XXYLT1: variants seen among roughly 807,000 people sequenced by gnomAD.
XXYLT1 encodes the protein UDP-xylose:alpha-xyloside alpha-1,3-xylosyltransferase.
A neutral mutation model predicts 28.9 loss-of-function variants in XXYLT1; 20 were observed. The observed-to-expected ratio is 0.69, with a 90% CI of 0.49 to 1.00. XXYLT1 has a LOEUF of 1.00. Among genes scored for constraint, XXYLT1 ranks in the 50% least tolerant of loss-of-function variants. The pLI, the probability that XXYLT1 is intolerant of heterozygous loss-of-function variation, is 0.00. For missense variants in XXYLT1, 542 were observed against 560.1 expected, an observed-to-expected ratio of 0.97 and a Z score of 0.33; for synonymous variants, 257 against 253.8, an observed-to-expected ratio of 1.01 and a Z score of -0.12.
chr3:195,267,938 G>GA (rs1256693347), intron 1 of XXYLT1, among the ~76,000 whole-genome samples: 3 of 151,908 alleles, frequency 2.0e-5, no homozygotes, highest in Non-Finnish European at 2.9e-5. Context: ...ACATTTAAAG[G>GA]AAAAAAAGAG....
intron 3 of XXYLT1, among the ~76,000 whole-genome samples, chr3:195,099,756 G>A (rs963784249): frequency 6.6e-6 from 1 of 151,180 alleles, no homozygotes; most frequent in African/African-American, 2.4e-5. Context: ...GCGTGAACCT[G>A]GGAGGCGGAG....
intron 2 of XXYLT1, chr3:195,207,549 T>C: frequency 2.2e-6 from 1 of 446,958 alleles, no homozygotes; most frequent in Admixed American, 2.4e-5. Flanking sequence ...CTCAAAGCCT[T>C]CCCCAAATTC....
At chr3:195,070,333 C>T (rs1026901384) in intron 3 of XXYLT1, among the ~76,000 whole-genome samples, 2 of 152,066 alleles carry the variant, frequency 1.3e-5, no homozygotes, top group Non-Finnish European at 2.9e-5. Flanking sequence ...GTCCTCACCA[C>T]AGCCAACATT....
chr3:195,097,553 G>A (rs561677463), intron 3 of XXYLT1, among the ~76,000 whole-genome samples: 1 of 152,260 alleles, frequency 6.6e-6, no homozygotes, highest in African/African-American at 2.4e-5. Context: ...TATAGACAAG[G>A]AAACTGAGGC....
intron 2 of XXYLT1, among the ~76,000 whole-genome samples, chr3:195,217,631 G>T (rs1235967805): frequency 2.7e-4 from 38 of 141,888 alleles, no homozygotes; most frequent in African/African-American, 9.3e-4. Flanking sequence ...TCTTCAAGGA[G>T]AACTACAAAC....
chr3:195,228,999 G>C (rs1724186584), intron 1 of XXYLT1, among the ~76,000 whole-genome samples: 1 of 151,926 alleles, frequency 6.6e-6, no homozygotes. Flanking sequence ...TTTTAGTAGA[G>C]ACAGGGTTTC....
intron 2 of XXYLT1, among the ~76,000 whole-genome samples, chr3:195,178,350 C>T (rs1249444237): frequency 1.3e-5 from 2 of 152,190 alleles, no homozygotes; most frequent in East Asian, 3.8e-4. Flanking sequence ...CCTTTCTCTT[C>T]CCTGTCTTTC....
At chr3:195,132,440 C>T (rs374363829) in intron 3 of XXYLT1, among the ~76,000 whole-genome samples, 3 of 151,320 alleles carry the variant, frequency 2.0e-5, no homozygotes, top group African/African-American at 7.3e-5. Flanking sequence ...GCATTCCAGC[C>T]TGGGCAACAG....
At chr3:195,170,853 G>C (rs936777560) in intron 2 of XXYLT1, among the ~76,000 whole-genome samples, 1 of 151,922 alleles carries the variant, frequency 6.6e-6, no homozygotes, top group East Asian at 1.9e-4. Flanking sequence ...GTCCAGCCTG[G>C]GCAATGTAGT....
intron 3 of XXYLT1, among the ~76,000 whole-genome samples, chr3:195,122,498 A>G (rs1718415216): frequency 6.8e-6 from 1 of 146,376 alleles, no homozygotes; most frequent in South Asian, 2.2e-4. Flanking sequence ...CAGTATCAGT[A>G]CAGCAGCTCA....
chr3:195,183,226 C>T (rs1168244416), intron 2 of XXYLT1, among the ~76,000 whole-genome samples: 2 of 152,190 alleles, frequency 1.3e-5, no homozygotes, highest in Admixed American at 6.5e-5. Flanking sequence ...ATAACCCCCA[C>T]GCATCGTGAG....
At chr3:195,087,929 G>C (rs374502165) in intron 3 of XXYLT1, among the ~76,000 whole-genome samples, 1 of 150,472 alleles carries the variant, frequency 6.6e-6, no homozygotes, top group African/African-American at 2.5e-5. Context: ...GGTGACAGAC[G>C]CACCTGGAAA....
rs1305371385 is a variant in XXYLT1 at position 195,243,311 on chromosome 3, T to TAACAA, written c.505-16460_505-16456dup. Among the ~76,000 whole-genome samples the TAACAA allele has an allele frequency of 4.0e-4, 61 of 151,936 alleles. No individual in the cohort carries two copies. The Middle Eastern group carries it at 0.017, about 42-fold the overall frequency. On this transcript the variant is annotated intron_variant, in intron 1 of 3. Coordinates refer to ENST00000310380, the MANE Select transcript of XXYLT1 (RefSeq NM_152531.5). ...CCATCATGGCACATGTATACATATG[T>TAACAA]AACAAACCTGCACGTTGTACACATG...
chr3:195,170,367 A>C (rs1348157004), intron 2 of XXYLT1, among the ~76,000 whole-genome samples: 1 of 152,214 alleles, frequency 6.6e-6, no homozygotes. Flanking sequence ...ATGAGATTTA[A>C]GGCATTTAGC....
Position 195,107,574 on chromosome 3 carries a change from G to A in XXYLT1, c.786-37463C>T, listed in dbSNP as rs187950196. ...GGGGGAAGAGGGGGAGAGGAGGAGG[G>A]GGAGGAGGAGGGGGAGGAGGAGGGG... On this transcript the variant is annotated intron_variant, in intron 3 of 3. Transcript: ENST00000310380. Among the ~76,000 whole-genome samples, 72 of 8,146 alleles carry A rather than the reference G, an allele frequency of 8.8e-3. 13 individuals are homozygous for A. The highest frequency in any genetic ancestry group is 0.017 in the Non-Finnish European group (60 of 3,496). The allele number at this position is 8,146 out of a possible 152,430, so 5.3% of individuals were successfully genotyped here. A position where few individuals can be genotyped will look rare whatever the true frequency, so the allele number is the denominator to read the frequency against.
At chr3:195,113,828 T>C (rs542690945) in intron 3 of XXYLT1, among the ~76,000 whole-genome samples, 13 of 152,208 alleles carry the variant, frequency 8.5e-5, no homozygotes, top group Non-Finnish European at 1.5e-4. Flanking sequence ...GGCATTCTGA[T>C]AGTGCCAGAG....
intron 2 of XXYLT1, among the ~76,000 whole-genome samples, chr3:195,159,569 T>C (rs1720766709): frequency 6.6e-6 from 1 of 152,286 alleles, no homozygotes; most frequent in South Asian, 2.1e-4. Context: ...TATCATCCCA[T>C]GGAAATATCA....
intron 3 of XXYLT1, among the ~76,000 whole-genome samples, chr3:195,090,764 A>G (rs1237334079): frequency 6.7e-6 from 1 of 148,412 alleles, no homozygotes; most frequent in Non-Finnish European, 1.5e-5. Flanking sequence ...GATCAACAAA[A>G]TTGATAGACC....
At chr3:195,225,271 G>A (rs1201589872) in intron 2 of XXYLT1, among the ~76,000 whole-genome samples, 1 of 152,136 alleles carries the variant, frequency 6.6e-6, no homozygotes, top group Non-Finnish European at 1.5e-5. Flanking sequence ...GCCCAGTGGA[G>A]CCCCCTGAGC....
Sources: allele counts gnomAD v4.1 joint callset (sites outside exome capture counted in the v4.1 genomes callset), GRCh38; gene constraint gnomAD v4.1.1; transcripts MANE v1.5; gene names NCBI Gene and HGNC (gene_info 2026-07-23, HGNC 2026-07-21).